NRK: variants seen among roughly 807,000 people sequenced by gnomAD.
NRK encodes the protein Nik related kinase.
Under a neutral mutation model 125.2 loss-of-function variants are expected in NRK, and 67 were observed. The observed-to-expected ratio is 0.54, with a 90% confidence interval of 0.44 to 0.66. NRK has a LOEUF of 0.66. Ranked by LOEUF, NRK falls within the 30% of genes least tolerant of loss-of-function variation. The pLI, the probability that NRK is intolerant of heterozygous loss-of-function variation, is 0.00. For synonymous variants in NRK, 458 were observed against 429.0 expected (o/e 1.07, Z -0.84); for missense variants, 1,224 against 1,192.9 (o/e 1.03, Z -0.38).
chrX:105,868,356 C>T (rs1184411442), intron 2 of NRK, among the ~76,000 whole-genome samples: 1 of 111,152 alleles, frequency 9.0e-6, no homozygotes, highest in Non-Finnish European at 1.9e-5. Context: ...TCCTTTAGAT[C>T]GCTTTCCTTC....
At chrX:105,914,571 A>G (rs1406094571) in intron 14 of NRK, among the ~76,000 whole-genome samples, 5 of 109,976 alleles carry the variant, frequency 4.5e-5, no homozygotes, top group Non-Finnish European at 9.5e-5. Flanking sequence ...ATTTTGAGTA[A>G]TTTTTGCCTC....
At chrX:105,877,348 G>A (rs2039828052) in intron 2 of NRK, among the ~76,000 whole-genome samples, 1 of 111,475 alleles carries the variant, frequency 9.0e-6, no homozygotes, top group South Asian at 3.7e-4. Context: ...TCCAGGTTTG[G>A]TTCTAGAAAA....
At chrX:105,843,903 CA>C (rs985004159) in intron 2 of NRK, among the ~76,000 whole-genome samples, 66 of 103,116 alleles carry the variant, frequency 6.4e-4, no homozygotes, top group African/African-American at 1.6e-3. Flanking sequence ...TAGTAGATTT[CA>C]AAAAAAAAAT....
At chrX:105,827,080 C>T (rs948694792) in intron 1 of NRK, among the ~76,000 whole-genome samples, 3 of 111,607 alleles carry the variant, frequency 2.7e-5, no homozygotes, top group Non-Finnish European at 5.6e-5. Context: ...AGAGTCTATA[C>T]AGTCTACAGT....
chrX:105,951,848 A>G, intron 27 of NRK, among the ~76,000 whole-genome samples: 1 of 112,600 alleles, frequency 8.9e-6, no homozygotes, highest in Non-Finnish European at 1.9e-5. Flanking sequence ...GGACTCAGCA[A>G]AAAGCCTGTG....
At chrX:105,834,970 T>G (rs2039243390) in intron 2 of NRK, among the ~76,000 whole-genome samples, 1 of 111,979 alleles carries the variant, frequency 8.9e-6, no homozygotes, top group African/African-American at 3.2e-5. Context: ...CATAGTTATG[T>G]TAAATTCTCT....
intron 11 of NRK, chrX:105,907,661 T>C (rs1456950748): frequency 8.9e-6 from 1 of 112,285 alleles, no homozygotes; most frequent in African/African-American, 3.2e-5. Context: ...TCCATTTATA[T>C]GGAAGTTACA....
intron 2 of NRK, among the ~76,000 whole-genome samples, chrX:105,850,864 A>G (rs1241954650): frequency 9.0e-6 from 1 of 111,717 alleles, no homozygotes; most frequent in Non-Finnish European, 1.9e-5. Flanking sequence ...ACTTTCCCAC[A>G]TTTTCCTGTC....
chrX:105,912,850 A>T (rs2040320220), intron 14 of NRK, 95 bp downstream of exon 14: 1 of 372,932 alleles, frequency 2.7e-6, no homozygotes, highest in South Asian at 6.5e-5. Context: ...ATACTCTTAA[A>T]CATTGAGGAC....
chrX:105,839,513 G>A (rs758930036), intron 2 of NRK, among the ~76,000 whole-genome samples: 2 of 111,664 alleles, frequency 1.8e-5, no homozygotes, highest in Admixed American at 1.9e-4. Context: ...GTGATAATGT[G>A]CCTCAAAAGT....
chrX:105,907,281 C>A (rs1389542946), intron 11 of NRK: 1 of 111,211 alleles, frequency 9.0e-6, no homozygotes, highest in Non-Finnish European at 1.9e-5. Flanking sequence ...GGATTTTCAC[C>A]AAGTCCAGAA....
chrX:105,954,247 A>G (rs776009987), intron 28 of NRK, among the ~76,000 whole-genome samples: 3 of 111,189 alleles, frequency 2.7e-5, no homozygotes, highest in Non-Finnish European at 5.7e-5. Context: ...ATTATGAGGT[A>G]AAATACTTAC....
intron 21 of NRK, among the ~76,000 whole-genome samples, chrX:105,935,926 A>G (rs990159403): frequency 1.8e-5 from 2 of 109,751 alleles, no homozygotes; most frequent in African/African-American, 6.6e-5. Context: ...GAGGTATTCC[A>G]AGAAATATTT....
chrX:105,902,994 G>A (rs181640757), intron 9 of NRK, among the ~76,000 whole-genome samples: 1 of 111,265 alleles, frequency 9.0e-6, no homozygotes, highest in Admixed American at 9.6e-5. Flanking sequence ...CCTAGTTTCT[G>A]GGTAGGAATT....
chrX:105,897,233 A>G (rs1378281350), intron 7 of NRK, among the ~76,000 whole-genome samples: 1 of 112,499 alleles, frequency 8.9e-6, no homozygotes, highest in East Asian at 2.8e-4. Context: ...TTAATCACAC[A>G]TATTTTGCAC....
chrX:105,937,622 A>G (rs1386447083), intron 22 of NRK, 40 bp downstream of exon 22: 4 of 1,041,740 alleles, frequency 3.8e-6, no homozygotes, highest in Non-Finnish European at 5.2e-6. Context: ...AATTATGCAG[A>G]TTAATTAGTC....
At chrX:105,841,926 G>A (rs1346203973) in intron 2 of NRK, among the ~76,000 whole-genome samples, 1 of 110,838 alleles carries the variant, frequency 9.0e-6, no homozygotes. Context: ...TCACAAACGA[G>A]CAAACAGGAT....
chrX:105,892,070 ACTAT>A (rs780490543), intron 5 of NRK, among the ~76,000 whole-genome samples: 1 of 111,851 alleles, frequency 8.9e-6, no homozygotes, highest in Non-Finnish European at 1.9e-5. Context: ...TCAATTGAAA[ACTAT>A]CTATTTGTCA....
At chrX:105,860,158 A>G (rs1017882606) in intron 2 of NRK, among the ~76,000 whole-genome samples, 2 of 111,567 alleles carry the variant, frequency 1.8e-5, no homozygotes, top group African/African-American at 6.5e-5. Flanking sequence ...TGAGAGGTCA[A>G]GTAACTTGCC....
Sources: allele counts gnomAD v4.1 joint callset (sites outside exome capture counted in the v4.1 genomes callset), GRCh38; gene constraint gnomAD v4.1.1; transcripts MANE v1.5; gene names NCBI Gene and HGNC (gene_info 2026-07-23, HGNC 2026-07-21).